Variants in ARK2C observed in about 807,000 individuals in gnomAD.
ARK2C encodes arkadia (RNF111) C-terminal like ring finger ubiquitin ligase 2C.
the ARK2C span, among the ~76,000 whole-genome samples, chr18:46,435,039 G>C: frequency 6.6e-6 from 1 of 152,164 alleles, no homozygotes; most frequent in African/African-American, 2.4e-5. Flanking sequence ...CACACCAAGG[G>C]AGAGACCTCT....
the ARK2C span, among the ~76,000 whole-genome samples, chr18:46,408,673 T>C: frequency 6.6e-6 from 1 of 152,182 alleles, no homozygotes; most frequent in African/African-American, 2.4e-5. Flanking sequence ...AGCATCATCT[T>C]GGTCAGAATT....
At chr18:46,383,652 T>C in the ARK2C span, among the ~76,000 whole-genome samples, 1 of 151,062 alleles carries the variant, frequency 6.6e-6, no homozygotes, top group Non-Finnish European at 1.5e-5. Flanking sequence ...CCTCCAGGGT[T>C]CATGCCATTC....
chr18:46,435,498 C>A, the ARK2C span: 1 of 912,924 alleles, frequency 1.1e-6, no homozygotes, highest in Non-Finnish European at 1.7e-6. Flanking sequence ...TTGAATGGCG[C>A]AGGAGGCCTA....
At chr18:46,364,289 C>A in the ARK2C span, among the ~76,000 whole-genome samples, 1 of 152,000 alleles carries the variant, frequency 6.6e-6, no homozygotes, top group Non-Finnish European at 1.5e-5. Context: ...CTGGGATCTT[C>A]CTGCCCTCCC....
chr18:46,354,752 C>T, the ARK2C span, among the ~76,000 whole-genome samples: 6 of 152,146 alleles, frequency 3.9e-5, no homozygotes, highest in Non-Finnish European at 7.3e-5. Context: ...GTTCATAAAG[C>T]GATGGTCCAC....
the ARK2C span, among the ~76,000 whole-genome samples, chr18:46,376,664 C>CTTTTTTT: frequency 1.3e-3 from 97 of 72,252 alleles, 7 homozygotes; most frequent in African/African-American, 2.1e-3. Context: ...GGTTAATAAT[C>CTTTTTTT]TTTTTTTTTT....
the ARK2C span, among the ~76,000 whole-genome samples, chr18:46,343,452 G>C: frequency 4.6e-5 from 7 of 152,206 alleles, no homozygotes; most frequent in African/African-American, 1.7e-4. Context: ...TAATGCATAG[G>C]AAACAAGTCG....
chr18:46,383,892 T>TC, the ARK2C span, among the ~76,000 whole-genome samples: 55 of 152,106 alleles, frequency 3.6e-4, no homozygotes, highest in Non-Finnish European at 6.9e-4. Context: ...CTTTACAGAG[T>TC]CCAGGGTCTG....
the ARK2C span, among the ~76,000 whole-genome samples, chr18:46,414,689 C>T: frequency 6.6e-6 from 1 of 152,190 alleles, no homozygotes; most frequent in Non-Finnish European, 1.5e-5. Context: ...CTCACAGACA[C>T]ATGCACATAC....
chr18:46,450,629 T>G, the ARK2C span: 1 of 1,202,984 alleles, frequency 8.3e-7, no homozygotes, highest in Admixed American at 1.8e-5. Context: ...GTCTTCCAGC[T>G]CCCAATCCAT....
At chr18:46,418,251 G>A in the ARK2C span, among the ~76,000 whole-genome samples, 1 of 152,188 alleles carries the variant, frequency 6.6e-6, no homozygotes, top group African/African-American at 2.4e-5. Context: ...CAGCTACTTA[G>A]GAGGCTGAGA....
the ARK2C span, among the ~76,000 whole-genome samples, chr18:46,453,078 T>C: frequency 3.9e-5 from 6 of 152,188 alleles, no homozygotes; most frequent in African/African-American, 1.4e-4. Flanking sequence ...ACCCATGTGC[T>C]GGTGGTGTCA....
At chr18:46,442,174 AAAG>A in the ARK2C span, among the ~76,000 whole-genome samples, 1 of 151,294 alleles carries the variant, frequency 6.6e-6, no homozygotes, top group African/African-American at 2.4e-5. Flanking sequence ...AAAAAAAAAA[AAAG>A]AAAAAGAAAA....
At chr18:46,440,649 T>C in the ARK2C span, among the ~76,000 whole-genome samples, 1 of 152,348 alleles carries the variant, frequency 6.6e-6, no homozygotes, top group Non-Finnish European at 1.5e-5. Flanking sequence ...CAAAGAAATT[T>C]AATAATAATT....
chr18:46,398,220 G>T, the ARK2C span, among the ~76,000 whole-genome samples: 3 of 148,476 alleles, frequency 2.0e-5, no homozygotes, highest in South Asian at 6.5e-4. Flanking sequence ...GGGTGTGTGT[G>T]CCTGTGGTGT....
chr18:46,364,512 G>C, the ARK2C span, among the ~76,000 whole-genome samples: 1 of 152,036 alleles, frequency 6.6e-6, no homozygotes, highest in Non-Finnish European at 1.5e-5. Context: ...CGACAGACAA[G>C]GTGACTACCA....
At chr18:46,447,715 C>A in the ARK2C span, 3 of 1,614,066 alleles carry the variant, frequency 1.9e-6, no homozygotes, top group African/African-American at 2.7e-5. Flanking sequence ...AGACGGACTC[C>A]CTTGCGCCTA....
the ARK2C span, among the ~76,000 whole-genome samples, chr18:46,383,611 G>C: frequency 7.5e-6 from 1 of 133,484 alleles, no homozygotes; most frequent in African/African-American, 2.9e-5. Context: ...TTGGAGTACA[G>C]TGGTGCGATC....
chr18:46,445,111 T>G, the ARK2C span, among the ~76,000 whole-genome samples: 44 of 152,356 alleles, frequency 2.9e-4, no homozygotes, highest in East Asian at 7.3e-3. Flanking sequence ...TATTGAATGA[T>G]GAACATCATT....
Sources: allele counts gnomAD v4.1 joint callset (sites outside exome capture counted in the v4.1 genomes callset), GRCh38; gene constraint gnomAD v4.1.1; transcripts MANE v1.5; gene names NCBI Gene and HGNC (gene_info 2026-07-23, HGNC 2026-07-21).